The following DPP6 variants were observed in gnomAD, a reference collection of about 807,000 sequenced individuals.
DPP6 encodes the protein dipeptidyl peptidase like 6.
A neutral mutation model predicts 122.6 loss-of-function variants in DPP6; 69 were observed. That is an observed-to-expected ratio of 0.56 (90% confidence interval 0.46 to 0.69). DPP6 has a LOEUF of 0.69. Ranked by LOEUF, DPP6 falls within the 30% of genes least tolerant of loss-of-function variation. The pLI, the probability that DPP6 is intolerant of heterozygous loss-of-function variation, is 0.00. For missense variants in DPP6, 928 were observed against 1,116.9 expected, an observed-to-expected ratio of 0.83 and a Z score of 2.41; for synonymous variants, 418 against 433.1, an observed-to-expected ratio of 0.97 and a Z score of 0.43.
At chr7:154,331,482 G>C (rs1179810562) in intron 1 of DPP6, among the ~76,000 whole-genome samples, 1 of 152,300 alleles carries the variant, frequency 6.6e-6, no homozygotes, top group East Asian at 1.9e-4. Flanking sequence ...TCAGGCTTTT[G>C]ATTTTGTGGC....
At chr7:154,484,987 G>C (rs1362794426) in intron 3 of DPP6, among the ~76,000 whole-genome samples, 4 of 152,080 alleles carry the variant, frequency 2.6e-5, no homozygotes, top group Non-Finnish European at 5.9e-5. Context: ...AAAGCTTATG[G>C]GGTTAGGTAG....
At chr7:153,900,281 G>A (rs1799589895) in intron 1 of DPP6, among the ~76,000 whole-genome samples, 1 of 148,580 alleles carries the variant, frequency 6.7e-6, no homozygotes, top group Non-Finnish European at 1.5e-5. Context: ...TTCAACCTCT[G>A]CCCTAAAGCT....
chr7:154,815,554 A>G (rs1041698437), intron 16 of DPP6, among the ~76,000 whole-genome samples: 2 of 152,214 alleles, frequency 1.3e-5, no homozygotes, highest in Admixed American at 1.3e-4. Context: ...GACTCAATCA[A>G]TCCTGTTTCT....
At chr7:154,450,604 G>A (rs1820276755) in intron 2 of DPP6, among the ~76,000 whole-genome samples, 2 of 152,202 alleles carry the variant, frequency 1.3e-5, no homozygotes, top group Admixed American at 6.5e-5. Context: ...GCGTGAGCGA[G>A]CTTCGTGAAT....
intron 1 of DPP6, among the ~76,000 whole-genome samples, chr7:153,889,016 G>A (rs1799073491): frequency 6.6e-6 from 1 of 152,200 alleles, no homozygotes; most frequent in East Asian, 1.9e-4. Context: ...CACACCCACG[G>A]CAGACACCTG....
At chr7:153,863,294 A>G in the DPP6 span, among the ~76,000 whole-genome samples, 5 of 152,256 alleles carry the variant, frequency 3.3e-5, no homozygotes, top group South Asian at 4.1e-4. Context: ...ATAGTATTCC[A>G]TGGTATATAT....
intron 2 of DPP6, among the ~76,000 whole-genome samples, chr7:154,467,983 C>T (rs1232932360): frequency 1.3e-5 from 2 of 152,148 alleles, no homozygotes; most frequent in African/African-American, 4.8e-5. Flanking sequence ...GTATCTTTCT[C>T]GACAGTGAAT....
At chr7:154,691,592 G>T (rs1419661712) in intron 7 of DPP6, among the ~76,000 whole-genome samples, 5 of 152,142 alleles carry the variant, frequency 3.3e-5, no homozygotes, top group African/African-American at 9.7e-5. Flanking sequence ...AGCCGAGGCG[G>T]GTGGATCAGG....
chr7:154,597,138 TGAGA>T (rs756909653), intron 5 of DPP6, among the ~76,000 whole-genome samples: 1 of 146,232 alleles, frequency 6.8e-6, no homozygotes, highest in Non-Finnish European at 1.5e-5. Flanking sequence ...TTGAGTACAG[TGAGA>T]GAGAGACACA....
intron 8 of DPP6, among the ~76,000 whole-genome samples, chr7:154,734,410 A>C (rs1357923405): frequency 6.6e-6 from 1 of 152,232 alleles, no homozygotes; most frequent in East Asian, 1.9e-4. Flanking sequence ...TGGCTAGGGC[A>C]CTTCAACTGC....
At chr7:153,861,817 A>G in the DPP6 span, among the ~76,000 whole-genome samples, 1 of 152,220 alleles carries the variant, frequency 6.6e-6, no homozygotes, top group Admixed American at 6.5e-5. Flanking sequence ...TCCTAAGACT[A>G]TTTTATTTAT....
At chr7:154,322,010 G>T (rs947427446) in intron 1 of DPP6, among the ~76,000 whole-genome samples, 2 of 151,946 alleles carry the variant, frequency 1.3e-5, no homozygotes, top group African/African-American at 4.8e-5. Flanking sequence ...ATAGAGAGAA[G>T]GCATCTCCCA....
chr7:154,177,545 A>G (rs937421505), intron 1 of DPP6, among the ~76,000 whole-genome samples: 1 of 152,238 alleles, frequency 6.6e-6, no homozygotes, highest in Non-Finnish European at 1.5e-5. Context: ...GAAGGGCCTG[A>G]GGCCCTGACC....
intron 1 of DPP6, among the ~76,000 whole-genome samples, chr7:154,255,911 CCTT>C (rs1283396328): frequency 6.6e-6 from 1 of 152,202 alleles, no homozygotes; most frequent in Non-Finnish European, 1.5e-5. Flanking sequence ...CTTAACTTCT[CCTT>C]GTTTCAACAC....
Position 154,690,662 on chromosome 7 carries a change from A to G in DPP6, c.762+21221A>G, listed in dbSNP as rs570139878. Among the ~76,000 whole-genome samples, 7 of 152,126 alleles carry G rather than the reference A, an allele frequency of 4.6e-5. No homozygotes were observed. The South Asian group carries it at 1.5e-3, about 32-fold the overall frequency. Reference sequence around the variant, plus strand: ...TCATGAGGCAGCAAGAGTTGGACATATCTTCTCCCCATCTTCCCCTGGACA... The same window carrying G: ...TCATGAGGCAGCAAGAGTTGGACATGTCTTCTCCCCATCTTCCCCTGGACA... On this transcript the variant is annotated intron_variant, in intron 7 of 25. Coordinates refer to ENST00000377770, the MANE Select transcript of DPP6 (RefSeq NM_130797.4).
chr7:154,053,733 C>T (rs1019450347), intron 1 of DPP6, among the ~76,000 whole-genome samples: 1 of 152,142 alleles, frequency 6.6e-6, no homozygotes, highest in Non-Finnish European at 1.5e-5. Flanking sequence ...TCTGTCTCCC[C>T]TCCCAGCCCT....
At chr7:154,757,891 C>A (rs568154154) in intron 8 of DPP6, among the ~76,000 whole-genome samples, 2 of 152,304 alleles carry the variant, frequency 1.3e-5, no homozygotes, top group East Asian at 3.9e-4. Flanking sequence ...GGGTGCAGAC[C>A]AGGAAGTGGC....
the DPP6 span, among the ~76,000 whole-genome samples, chr7:153,842,966 C>T: frequency 1.1e-4 from 17 of 152,142 alleles, no homozygotes; most frequent in East Asian, 2.7e-3. Flanking sequence ...CCCCACTCAC[C>T]CACCTGCGCA....
chr7:154,221,676 A>G (rs1800315858), intron 1 of DPP6, among the ~76,000 whole-genome samples: 1 of 152,204 alleles, frequency 6.6e-6, no homozygotes, highest in South Asian at 2.1e-4. Flanking sequence ...TTTTATTAAA[A>G]TGGTTATAAT....
Sources: allele counts gnomAD v4.1 joint callset (sites outside exome capture counted in the v4.1 genomes callset), GRCh38; gene constraint gnomAD v4.1.1; transcripts MANE v1.5; gene names NCBI Gene and HGNC (gene_info 2026-07-23, HGNC 2026-07-21).